CCDC88B: variants seen among roughly 807,000 people sequenced by gnomAD.
CCDC88B encodes coiled-coil and HOOK domain protein 88B, also known as coiled-coil domain-containing protein 88B.
Under a neutral mutation model 183.7 loss-of-function variants are expected in CCDC88B, and 138 were observed. The ratio of observed to expected loss-of-function variants is 0.75; its 90% CI spans 0.65 to 0.87. CCDC88B has a LOEUF of 0.87. Ranked by LOEUF, CCDC88B falls within the 40% of genes least tolerant of loss-of-function variation. The pLI is 0.00. For missense variants in CCDC88B, 1,822 were observed against 1,965.6 expected (o/e 0.93, Z 1.38); for synonymous variants, 835 against 867.5 (o/e 0.96, Z 0.66).
intron 14 of CCDC88B, 73 bp from the exon 15 acceptor site, chr11:64,349,258 C>T (rs2036232192): frequency 6.8e-7 from 1 of 1,478,680 alleles, no homozygotes. Flanking sequence ...AAAGGCAGCT[C>T]TCTTGACTCT....
chr11:64,349,553 A>C lies in CCDC88B; in HGVS notation c.2747A>C (p.Tyr916Ser), dbSNP rs1190394892. The C allele has an allele frequency of 1.3e-6, 2 of 1,598,804 alleles. No individual in the cohort carries two copies. Among genetic ancestry groups the C allele is most frequent in the Admixed American group, 1.7e-5 (1 of 57,532 alleles). ...LREKESQHQRYQGLEQRLEAE... is the reference protein window; with the variant it reads ...LREKESQHQRSQGLEQRLEAE... ...GGTGCTAAGGATTCTCCTGGCAGGT[A>C]CCAGGGCTTGGAGCAGCGGCTGGAA... Residue 916 changes from tyrosine (Y) to serine (S), a missense_variant and splice_region_variant, in exon 16 of 27, where the codon TAC (tyrosine) becomes TCC (serine). Physicochemically the swap from Tyr to Ser is moderately radical, Grantham distance 144. Coordinates refer to ENST00000356786, the MANE Select transcript of CCDC88B (RefSeq NM_032251.6).
At chr11:64,342,789 G>A in intron 10 of CCDC88B, 109 bp downstream of exon 10, 1 of 1,293,228 alleles carries the variant, frequency 7.7e-7, no homozygotes, top group Non-Finnish European at 1.0e-6. Context: ...GGAGGGGACA[G>A]TCACAGGTGG....
Position 64,341,015 on chromosome 11 carries a change from C to T in CCDC88B, c.315C>T (p.Tyr105=). Residue 105 remains tyrosine (Y), a synonymous_variant, in exon 3 of 27, where the codon TAC becomes TAT. Coordinates refer to ENST00000356786, the MANE Select transcript of CCDC88B (RefSeq NM_032251.6). ...TGTGGGGCCGACTGAGGGACTTCTA[C>T]CAGGTAAGGGGTCTCGAGGGAAAGG... ...NHLWGRLRDF[Y]QEELQLLILS... 6.2e-7 allele frequency: 1 copy of T among 1,610,814 alleles called. No homozygotes were observed. The highest frequency in any genetic ancestry group is 8.5e-7 in the Non-Finnish European group (1 of 1,178,138).
rs200528440 is a variant in CCDC88B, at chr11:64,353,705, C to T, written c.3834-10C>T. 574 of 1,613,778 alleles carry T rather than the reference C, an allele frequency of 3.6e-4. No homozygotes were observed. Among genetic ancestry groups the T allele is most frequent in the Non-Finnish European group, 4.5e-4 (530 of 1,179,894 alleles). Reference sequence around the variant, plus strand: ...CCTCACACCCACCTCTCCCTTCTCACTCCTGCCAGGGACCAGCTTAATGCC... The same window carrying T: ...CCTCACACCCACCTCTCCCTTCTCATTCCTGCCAGGGACCAGCTTAATGCC... On this transcript the variant is annotated splice_polypyrimidine_tract_variant and intron_variant, in intron 22 of 26. Coordinates refer to ENST00000356786, the MANE Select transcript of CCDC88B (RefSeq NM_032251.6).
At position 64,343,624 on chromosome 11, in the gene CCDC88B, C is replaced by T. The variant is rs745792959; in HGVS notation, c.1318+9C>T. On this transcript the variant is annotated intron_variant, in intron 12 of 26. Coordinates refer to ENST00000356786, the MANE Select transcript of CCDC88B (RefSeq NM_032251.6). ...AGGATCCCCTGGGGAGGGTGAGGGACCCCACTGGAAGGGCTGGGGTGGGGG... is the reference window on the plus strand; with the variant it reads ...AGGATCCCCTGGGGAGGGTGAGGGATCCCACTGGAAGGGCTGGGGTGGGGG... 3 of 1,550,930 alleles carry T rather than the reference C, an allele frequency of 1.9e-6. No individual in the cohort carries two copies. The highest frequency in any genetic ancestry group is 2.4e-5 in the South Asian group (2 of 84,050).
At position 64,341,161 on chromosome 11, in the gene CCDC88B, G is replaced by A. The variant is rs1461788518; in HGVS notation, c.371G>A (p.Gly124Glu). 1.2e-6 allele frequency: 2 copies of A among 1,614,072 alleles called. No individual in the cohort carries two copies. Among genetic ancestry groups the A allele is most frequent in the South Asian group, 2.2e-5 (2 of 91,088 alleles). ...CCACCCCCAGACCTCCAGACATTGG[G>A]ATTTGACCCTCTCTCAGGTGCTCTC... is the stretch of plus-strand genomic sequence containing the variant. ...LSPPPDLQTL[G>E]FDPLSEEAVE... is the part of the protein sequence containing the mutation. The change falls in exon 4 of 27, where the codon GGA becomes GAA. Residue 124 changes from glycine (G) to glutamate (E), a missense_variant. Physicochemically the swap from Gly to Glu is moderately conservative, Grantham distance 98. Transcript: ENST00000356786.
rs201832683 is a variant in CCDC88B, at chr11:64,353,986, G to A, written c.3933-18G>A. On this transcript the variant is annotated intron_variant, in intron 23 of 26. Transcript: ENST00000356786. ...CTCCTCCCTGTCCTGACCCCCTCTT[G>A]TGCCCTCTTGCCCCCAGGAAGGGCA... is the stretch of plus-strand genomic sequence containing the variant. 3,198 of 1,511,312 alleles carry A rather than the reference G, an allele frequency of 2.1e-3. 7 individuals carry two copies. Among genetic ancestry groups the A allele is most frequent in the Non-Finnish European group, 2.5e-3 (2,844 of 1,126,098 alleles). 93.6% of individuals were successfully genotyped at this position (1,511,312 alleles called of 1,614,324 possible). A position where few individuals can be genotyped will look rare whatever the true frequency, so the allele number is the denominator to read the frequency against.
rs2036501376 is a variant in CCDC88B, at chr11:64,355,107, C to G, written c.4100-87C>G. ...GACCCCCTCCCTGCGTGAGCCTCAG[C>G]CTCCCCCCATTCTCTGACCTCCTCC... On this transcript the variant is annotated intron_variant, in intron 24 of 26. Coordinates refer to ENST00000356786, the MANE Select transcript of CCDC88B (RefSeq NM_032251.6). 6 of 919,088 alleles carry G rather than the reference C, an allele frequency of 6.5e-6. No individual in the cohort carries two copies. In the Admixed American group the frequency reaches 1.4e-4, roughly 21 times the overall value. 56.9% of individuals were successfully genotyped at this position (919,088 alleles called of 1,614,324 possible).
At chr11:64,341,578 A>G (rs1388902426) in intron 6 of CCDC88B, 21 bp from the exon 7 acceptor site, 12 of 1,606,162 alleles carry the variant, frequency 7.5e-6, no homozygotes, top group Non-Finnish European at 1.0e-5. Flanking sequence ...CTTCCACTGA[A>G]CTGCTCTTCC....
At chr11:64,340,369 C>T in intron 1 of CCDC88B, 43 bp downstream of exon 1, 1 of 1,284,476 alleles carries the variant, frequency 7.8e-7, no homozygotes, top group Non-Finnish European at 1.0e-6. Context: ...GGAAGTGAGC[C>T]CCAGCCAGGG....
At chr11:64,350,406 C>T (rs1199045) in intron 16 of CCDC88B, 42,700 of 151,862 alleles carry the variant, frequency 0.28, 7,415 homozygotes, top group South Asian at 0.38. Context: ...TGGTGGCTCA[C>T]GCCTGTAATC....
In CCDC88B at chr11:64,351,488, G is replaced by C. The variant is rs1411320657; in HGVS notation, c.2971G>C (p.Val991Leu). The C allele has an allele frequency of 6.3e-7, 1 of 1,588,390 alleles. No homozygotes were observed. Among genetic ancestry groups the C allele is most frequent in the African/African-American group, 1.3e-5 (1 of 74,674 alleles). ...CACTTCTGGGCAGAATGCGATGCTGGTGGCAGAGAAGGCAGCTTTGCAGGG... is the reference window on the plus strand; with the variant it reads ...CACTTCTGGGCAGAATGCGATGCTGCTGGCAGAGAAGGCAGCTTTGCAGGG... The part of the protein sequence containing the change: ...IEVERSNAML[V>L]AEKAALQGQL... Residue 991 changes from valine to leucine, a missense_variant, in exon 18 of 27, where the codon GTG (valine) becomes CTG (leucine). Coordinates refer to ENST00000356786, the MANE Select transcript of CCDC88B (RefSeq NM_032251.6).
Position 64,344,091 on chromosome 11 carries a change from G to C in CCDC88B, c.1550G>C (p.Gly517Ala), listed in dbSNP as rs1171365067. Residue 517 changes from glycine (G) to alanine (A), a missense_variant, in exon 14 of 27, where the codon GGC (glycine) becomes GCC (alanine). Transcript: ENST00000356786. The surrounding 1 kb of genome is among the most constrained non-coding windows in gnomAD (Gnocchi z 4.5). ...TPVAFDHSPQ[G>A]LVQKARDGGP... Reference sequence around the variant, plus strand: ...GTGGCCTTCGACCACAGCCCTCAGGGCTTGGTTCAGAAGGCAAGGGATGGA... The same window carrying C: ...GTGGCCTTCGACCACAGCCCTCAGGCCTTGGTTCAGAAGGCAAGGGATGGA... 6.2e-7 allele frequency: 1 copy of C among 1,612,728 alleles called. No individual in the cohort carries two copies. Among genetic ancestry groups the C allele is most frequent in the Non-Finnish European group, 8.5e-7 (1 of 1,179,618 alleles).
intron 14 of CCDC88B, among the ~76,000 whole-genome samples, chr11:64,347,560 A>G (rs1281491559): frequency 6.6e-6 from 1 of 152,248 alleles, no homozygotes; most frequent in East Asian, 1.9e-4. Context: ...GCGTTGTGCA[A>G]GACAGGCCCA....
At position 64,344,283 on chromosome 11, in the gene CCDC88B, C is replaced by G; in HGVS notation, c.1742C>G (p.Ser581Cys). Residue 581 changes from serine to cysteine, a missense_variant, in exon 14 of 27, where the codon TCT (serine) becomes TGT (cysteine). Physicochemically the swap from Ser to Cys is moderately radical, Grantham distance 112. Transcript: ENST00000356786. The surrounding 1 kb of genome is among the most constrained non-coding windows in gnomAD (Gnocchi z 4.5). Reference protein sequence around the residue: ...ASDWSPQESGSPVETQESPEK... With the variant: ...ASDWSPQESGCPVETQESPEK... ...GACTGGTCCCCGCAAGAGTCAGGCT[C>G]TCCTGTGGAGACACAGGAGTCCCCG... 1 of 1,613,786 alleles carries G rather than the reference C, an allele frequency of 6.2e-7. No individual in the cohort carries two copies. Among genetic ancestry groups the G allele is most frequent in the East Asian group, 2.2e-5 (1 of 44,876 alleles).
chr11:64,351,834 A>C (rs2036345175), intron 18 of CCDC88B, among the ~76,000 whole-genome samples: 2 of 151,738 alleles, frequency 1.3e-5, no homozygotes, highest in Non-Finnish European at 2.9e-5. Flanking sequence ...ATCTACACCC[A>C]TGTCGCCCTG....
chr11:64,345,214 G>T, intron 14 of CCDC88B, 57 bp downstream of exon 14: 1 of 1,510,304 alleles, frequency 6.6e-7, no homozygotes, highest in Non-Finnish European at 8.9e-7. Flanking sequence ...AGGCTGTTGG[G>T]AGTTACTGAT....
chr11:64,355,250 G>A lies in CCDC88B; in HGVS notation c.4156G>A (p.Glu1386Lys). 1 of 1,553,708 alleles carries A rather than the reference G, an allele frequency of 6.4e-7. No homozygotes were observed. The highest frequency in any genetic ancestry group is 8.7e-7 in the Non-Finnish European group (1 of 1,153,378). The change falls in exon 25 of 27, where the codon GAG becomes AAG. Residue 1386 changes from glutamate (E) to lysine (K), a missense_variant. Coordinates refer to ENST00000356786, the MANE Select transcript of CCDC88B (RefSeq NM_032251.6). ...RAQSSLCLRDETLAGGQRRKL... is the reference protein window; with the variant it reads ...RAQSSLCLRDKTLAGGQRRKL... ...CCAGAGCTCCCTCTGCCTGCGGGAT[G>A]AGACCTTGGCAGGCGGGCAGCGGCG...
At chr11:64,343,142 G>T (rs78042412) in intron 10 of CCDC88B, 37 bp from the exon 11 acceptor site, 32,674 of 1,498,800 alleles carry the variant, frequency 0.022, 2,623 homozygotes, top group African/African-American at 0.2. Context: ...GTGCATGGGG[G>T]CTGCGTGGCT....
Sources: gnomAD v4.1 joint callset for allele counts (sites outside exome capture counted in the v4.1 genomes callset) on GRCh38, gnomAD v4.1.1 for gene constraint, Gnocchi (gnomAD v3.1) non-coding constraint, MANE v1.5 for transcripts, NCBI Gene and HGNC (gene_info 2026-07-23, HGNC 2026-07-21) for gene names.